Variants in ZNF730 observed in about 807,000 individuals in gnomAD.
ZNF730 encodes putative zinc finger protein 730.
Under a neutral mutation model 12.6 loss-of-function variants are expected in ZNF730, and 12 were observed. The ratio of observed to expected loss-of-function variants is 0.95; its 90% CI spans 0.61 to 1.54. The LOEUF (loss-of-function observed/expected upper bound fraction) is 1.54, where lower values mean the gene tolerates loss of function less well. Among genes scored for constraint, ZNF730 ranks in the 40% most tolerant of loss-of-function variants. The pLI, the probability that ZNF730 is intolerant of heterozygous loss-of-function variation, is 0.00. For synonymous variants in ZNF730, 194 were observed against 195.8 expected, an observed-to-expected ratio of 0.99 and a Z score of 0.08; for missense variants, 643 against 583.5, an observed-to-expected ratio of 1.10 and a Z score of -1.05.
In ZNF730 at chr19:23,146,031, A is replaced by T; in HGVS notation, c.987A>T (p.Lys329Asn). The T allele has an allele frequency of 1.2e-6, 2 of 1,610,396 alleles. No individual in the cohort carries two copies. Among genetic ancestry groups the T allele is most frequent in the African/African-American group, 1.3e-5 (1 of 74,868 alleles). ...KAFKWSSTLT[K>N]HKRIHNGEKP... is the part of the protein sequence containing the mutation. ...TTAAGTGGTCCTCAACCCTTACAAAACATAAAAGAATTCATAATGGAGAAA... is the reference window on the plus strand; with the variant it reads ...TTAAGTGGTCCTCAACCCTTACAAATCATAAAAGAATTCATAATGGAGAAA... The change falls in exon 4 of 4, where the codon AAA (lysine) becomes AAT (asparagine). Residue 329 changes from lysine to asparagine, a missense_variant. Transcript: ENST00000597761.
At chr19:23,101,809 C>G (rs1970338645) in intron 1 of ZNF730, among the ~76,000 whole-genome samples, 1 of 152,160 alleles carries the variant, frequency 6.6e-6, no homozygotes, top group South Asian at 2.1e-4. Flanking sequence ...ACCTCGTGTT[C>G]TGCCCGCCTC....
intron 1 of ZNF730, among the ~76,000 whole-genome samples, chr19:23,103,620 G>A (rs1381117584): frequency 6.6e-6 from 1 of 152,096 alleles, no homozygotes; most frequent in Admixed American, 6.6e-5. Flanking sequence ...GGTCCCTGGA[G>A]TATCTAAAAG....
intron 1 of ZNF730, among the ~76,000 whole-genome samples, chr19:23,106,331 C>G (rs1333862422): frequency 1.3e-5 from 2 of 152,094 alleles, no homozygotes; most frequent in Admixed American, 6.6e-5. Flanking sequence ...TGACTCTAGA[C>G]AGTTGTCAAA....
At chr19:23,089,105 C>T (rs574315752) in intron 1 of ZNF730, among the ~76,000 whole-genome samples, 6 of 152,242 alleles carry the variant, frequency 3.9e-5, no homozygotes, top group African/African-American at 1.4e-4. Context: ...CTCTCGACCT[C>T]AGGCGATCCA....
chr19:23,129,782 A>G (rs1292213087), intron 1 of ZNF730, among the ~76,000 whole-genome samples: 1 of 152,008 alleles, frequency 6.6e-6, no homozygotes, highest in African/African-American at 2.4e-5. Context: ...TCACGAGGCC[A>G]GGAGATTGAG....
chr19:23,120,171 T>C (rs1970582294), intron 1 of ZNF730, among the ~76,000 whole-genome samples: 1 of 151,950 alleles, frequency 6.6e-6, no homozygotes, highest in African/African-American at 2.4e-5. Flanking sequence ...ATTTTTGTAT[T>C]TGTAGTAGAG....
At chr19:23,083,930 T>C (rs1437653794) in intron 1 of ZNF730, among the ~76,000 whole-genome samples, 1 of 152,196 alleles carries the variant, frequency 6.6e-6, no homozygotes, top group Non-Finnish European at 1.5e-5. Flanking sequence ...TGATGTAATC[T>C]CATTAGCTCA....
At chr19:23,119,723 A>G (rs1433128094) in intron 1 of ZNF730, among the ~76,000 whole-genome samples, 2 of 152,156 alleles carry the variant, frequency 1.3e-5, no homozygotes, top group African/African-American at 2.4e-5. Context: ...AGGCTGAGGT[A>G]GGAGAATCAC....
intron 1 of ZNF730, chr19:23,128,551 A>T (rs371162673): frequency 4.2e-6 from 1 of 240,276 alleles, no homozygotes; most frequent in South Asian, 7.4e-5. Context: ...TAATCCAAAC[A>T]ATTTTCAATG....
intron 1 of ZNF730, among the ~76,000 whole-genome samples, chr19:23,101,309 G>A (rs1329891105): frequency 2.6e-5 from 4 of 152,172 alleles, no homozygotes; most frequent in African/African-American, 4.8e-5. Flanking sequence ...GAGGTGGACT[G>A]GTGACTCTCA....
intron 1 of ZNF730, among the ~76,000 whole-genome samples, chr19:23,120,214 C>T (rs1346738122): frequency 1.3e-5 from 2 of 151,908 alleles, no homozygotes; most frequent in Non-Finnish European, 2.9e-5. Context: ...AGGCTGGTCT[C>T]GAACTCCTAA....
At chr19:23,144,655 G>T (rs571071230) in intron 3 of ZNF730, among the ~76,000 whole-genome samples, 1 of 128,020 alleles carries the variant, frequency 7.8e-6, no homozygotes, top group Non-Finnish European at 1.6e-5. Flanking sequence ...AGCTGAGATT[G>T]CACCACCGCA....
intron 1 of ZNF730, among the ~76,000 whole-genome samples, chr19:23,076,182 T>G (rs868192074): frequency 1.3e-5 from 2 of 152,194 alleles, no homozygotes; most frequent in South Asian, 2.1e-4. Flanking sequence ...TACGACACTA[T>G]CAACTATTTG....
chr19:23,092,450 A>G (rs1229490384), intron 1 of ZNF730, among the ~76,000 whole-genome samples: 1 of 151,592 alleles, frequency 6.6e-6, no homozygotes, highest in East Asian at 2.0e-4. Context: ...TTAGCTGGGC[A>G]TGGTGGTGCA....
At chr19:23,108,570 G>A (rs1440197340) in intron 1 of ZNF730, among the ~76,000 whole-genome samples, 2 of 151,440 alleles carry the variant, frequency 1.3e-5, no homozygotes, top group Non-Finnish European at 2.9e-5. Context: ...TGTCTTCTTA[G>A]CAGCTCGGTC....
intron 3 of ZNF730, among the ~76,000 whole-genome samples, chr19:23,136,414 A>AT (rs1261160128): frequency 2.6e-5 from 4 of 151,542 alleles, no homozygotes; most frequent in Non-Finnish European, 4.4e-5. Flanking sequence ...TTATTTATTT[A>AT]TTTTTTTTGA....
chr19:23,134,486 C>A (rs1220101661), intron 2 of ZNF730, among the ~76,000 whole-genome samples: 3 of 148,060 alleles, frequency 2.0e-5, no homozygotes, highest in Admixed American at 2.0e-4. Flanking sequence ...GGGGGCCAGC[C>A]CCCCGCCCGG....
intron 1 of ZNF730, among the ~76,000 whole-genome samples, chr19:23,122,287 C>T (rs1165793343): frequency 6.6e-6 from 1 of 151,900 alleles, no homozygotes; most frequent in Non-Finnish European, 1.5e-5. Context: ...ATTACAGGCT[C>T]CTGCCACCAC....
chr19:23,135,127 C>A (rs936352755), intron 2 of ZNF730, among the ~76,000 whole-genome samples: 4 of 134,022 alleles, frequency 3.0e-5, no homozygotes, highest in Non-Finnish European at 6.2e-5. Flanking sequence ...AACCAGAGAC[C>A]TTTGTTCACT....
Sources: allele counts gnomAD v4.1 joint callset (sites outside exome capture counted in the v4.1 genomes callset), GRCh38; gene constraint gnomAD v4.1.1; transcripts MANE v1.5; gene names NCBI Gene and HGNC (gene_info 2026-07-23, HGNC 2026-07-21).